Variants in PANK2 observed in about 807,000 individuals in gnomAD.
The protein encoded by PANK2 is pantothenate kinase 2.
PANK2 carries 36 observed loss-of-function variants against 43.1 expected under a neutral mutation model. The ratio of observed to expected loss-of-function variants is 0.84; its 90% CI spans 0.64 to 1.10. PANK2 has a LOEUF of 1.10. Ranked by LOEUF, PANK2 falls within the 50% of genes least tolerant of loss-of-function variation. PANK2 has a pLI of 0.00. For synonymous variants in PANK2, 281 were observed against 238.2 expected (o/e 1.18, Z -1.66); for missense variants, 576 against 593.3 (o/e 0.97, Z 0.30).
intron 1 of PANK2, among the ~76,000 whole-genome samples, chr20:3,892,955 T>G (rs2090148256): frequency 6.6e-6 from 1 of 152,154 alleles, no homozygotes; most frequent in African/African-American, 2.4e-5. Context: ...GAGGGGGGTA[T>G]GTCTCGCAGG....
rs1387566578 is a variant in PANK2, at chr20:3,889,659, C to T, written c.229C>T (p.Leu77=). The T allele has an allele frequency of 6.3e-7, 1 of 1,588,526 alleles. No individual in the cohort carries two copies. Among genetic ancestry groups the T allele is most frequent in the Non-Finnish European group, 8.5e-7 (1 of 1,175,860 alleles). The change falls in exon 1 of 7, where the codon CTG becomes TTG. Residue 77 remains leucine, a synonymous_variant. Coordinates refer to ENST00000610179, the MANE Select transcript of PANK2 (RefSeq NM_001386393.1). ...GGCTGAGGGCACGAGGCGGGATCGACTGGGCTCTTACAGCGGCCCCACCTC... is the reference window on the plus strand; with the variant it reads ...GGCTGAGGGCACGAGGCGGGATCGATTGGGCTCTTACAGCGGCCCCACCTC...
At chr20:3,917,176 G>T (rs1412410271) in intron 5 of PANK2, 126 bp downstream of exon 5, 3 of 1,240,750 alleles carry the variant, frequency 2.4e-6, no homozygotes, top group Non-Finnish European at 3.5e-6. Context: ...GTTTTAGCAC[G>T]AAGTTAAAAC....
chr20:3,910,449 GCACAAATAATA>G, intron 2 of PANK2, 117 bp from the exon 3 acceptor site: 1 of 1,064,262 alleles, frequency 9.4e-7, no homozygotes, highest in South Asian at 1.3e-5. Context: ...TGTAAAGCAT[GCACAAATAATA>G]CACATCTGTG....
intron 3 of PANK2, 128 bp from the exon 4 acceptor site, chr20:3,912,329 GT>G: frequency 2.0e-6 from 2 of 1,000,574 alleles, no homozygotes; most frequent in Admixed American, 3.7e-5. Flanking sequence ...TCACAGACTT[GT>G]TTCCTACCAG....
intron 1 of PANK2, among the ~76,000 whole-genome samples, chr20:3,890,330 C>A (rs968201753): frequency 6.6e-6 from 1 of 152,170 alleles, no homozygotes; most frequent in Non-Finnish European, 1.5e-5. Context: ...CAGGTACTCA[C>A]GATTCAGAAC....
In PANK2 at chr20:3,926,740, G is replaced by A. The variant is rs1175303178; in HGVS notation, c.*3446G>A. 6.6e-6 allele frequency: 1 copy of A among 152,212 alleles called. No homozygotes were observed. The highest frequency in any genetic ancestry group is 2.4e-5 in the African/African-American group (1 of 41,362). 9.4% of individuals were successfully genotyped at this position (152,212 alleles called of 1,614,324 possible). A position where few individuals can be genotyped will look rare whatever the true frequency, so the allele number is the denominator to read the frequency against. ...GGATCACCTGAGGTCAGGAGTTCAAGACCAGCCTGGACAACATGGTGAAAC... is the reference window on the plus strand; with the variant it reads ...GGATCACCTGAGGTCAGGAGTTCAAAACCAGCCTGGACAACATGGTGAAAC... On this transcript the variant is annotated 3_prime_UTR_variant, in exon 7 of 7. Coordinates refer to ENST00000610179, the MANE Select transcript of PANK2 (RefSeq NM_001386393.1).
intron 2 of PANK2, 131 bp from the exon 3 acceptor site, chr20:3,910,446 C>A: frequency 2.9e-6 from 3 of 1,037,642 alleles, no homozygotes; most frequent in Non-Finnish European, 2.9e-6. Flanking sequence ...TTCTGTAAAG[C>A]ATGCACAAAT....
intron 4 of PANK2, among the ~76,000 whole-genome samples, chr20:3,916,452 C>T (rs2090561263): frequency 6.6e-6 from 1 of 152,184 alleles, no homozygotes; most frequent in South Asian, 2.1e-4. Flanking sequence ...AGTACTTTAT[C>T]TTCTAGGGAA....
At chr20:3,896,406 G>C (rs1365116412) in intron 1 of PANK2, among the ~76,000 whole-genome samples, 1 of 151,998 alleles carries the variant, frequency 6.6e-6, no homozygotes, top group East Asian at 1.9e-4. Context: ...CCATTGGAAA[G>C]TGTGATGTTG....
In PANK2 at chr20:3,902,499, G is replaced by A. The variant is rs563070605; in HGVS notation, c.299-5427G>A. ...TCATCATGTTGGCCTGGCTGGTCTCGAACTCCTGACCTCAAGCGATCCACC... is the reference window on the plus strand; with the variant it reads ...TCATCATGTTGGCCTGGCTGGTCTCAAACTCCTGACCTCAAGCGATCCACC... On this transcript the variant is annotated intron_variant, in intron 1 of 6. Transcript: ENST00000610179. Among the ~76,000 whole-genome samples, 10 of 151,176 alleles carry A rather than the reference G, an allele frequency of 6.6e-5. No homozygotes were observed. In the South Asian group the frequency reaches 8.4e-4, roughly 13 times the overall value.
chr20:3,889,171 A>AC, upstream of PANK2: 6 of 1,605,644 alleles, frequency 3.7e-6, no homozygotes, highest in Non-Finnish European at 5.1e-6. Context: ...TCTGGGCTAC[A>AC]CCGCCTTCTC....
At chr20:3,922,055 C>A (rs1336687050) in intron 6 of PANK2, among the ~76,000 whole-genome samples, 1 of 152,160 alleles carries the variant, frequency 6.6e-6, no homozygotes, top group Non-Finnish European at 1.5e-5. Flanking sequence ...ACAAGAAAGC[C>A]TTTGGCCTCT....
At chr20:3,897,897 C>T (rs999201021) in intron 1 of PANK2, among the ~76,000 whole-genome samples, 9 of 150,942 alleles carry the variant, frequency 6.0e-5, no homozygotes, top group East Asian at 4.0e-4. Flanking sequence ...CCCAGCTACT[C>T]GGGAGGCTGA....
rs199781593 is a variant in PANK2 at position 3,918,626 on chromosome 20, T to G, written c.1207-45T>G. 7 of 1,613,180 alleles carry G rather than the reference T, an allele frequency of 4.3e-6. No individual in the cohort carries two copies. The East Asian group carries it at 1.6e-4, about 36-fold the overall frequency. On this transcript the variant is annotated intron_variant, in intron 5 of 6. Coordinates refer to ENST00000610179, the MANE Select transcript of PANK2 (RefSeq NM_001386393.1). Reference sequence around the variant, plus strand: ...ATTTGGGGTAGCTTTTATGAGAAAATAGAAATTAAGATGAAAACTAATTGC... The same window carrying G: ...ATTTGGGGTAGCTTTTATGAGAAAAGAGAAATTAAGATGAAAACTAATTGC...
chr20:3,904,838 C>T (rs1859907731), intron 1 of PANK2, among the ~76,000 whole-genome samples: 1 of 151,916 alleles, frequency 6.6e-6, no homozygotes, highest in African/African-American at 2.4e-5. Context: ...GTGTTTATTT[C>T]CCTTGTAGTT....
rs1234169558 is a variant in PANK2, at chr20:3,929,729, TTG to T, written c.*6436_*6437del. 6.6e-6 allele frequency: 1 copy of T among 152,236 alleles called. No homozygotes were observed. The highest frequency in any genetic ancestry group is 1.9e-4 in the East Asian group (1 of 5,190). 9.4% of individuals were successfully genotyped at this position (152,236 alleles called of 1,614,324 possible). A position where few individuals can be genotyped will look rare whatever the true frequency, so the allele number is the denominator to read the frequency against. On this transcript the variant is annotated 3_prime_UTR_variant, in exon 7 of 7. Transcript: ENST00000610179. ...CTGCTGTCAGCTACAGAGCCTGATC[TTG>T]AGCATCCTGTCGCAGATAGAAAGTC...
At chr20:3,915,597 TTTTAGCTCTTATA>T (rs1333950388) in intron 4 of PANK2, among the ~76,000 whole-genome samples, 7 of 152,178 alleles carry the variant, frequency 4.6e-5, no homozygotes, top group African/African-American at 1.7e-4. Context: ...CGCCCGCCAG[TTTTAGCTCTTATA>T]TTTAGCTCTT....
intron 1 of PANK2, among the ~76,000 whole-genome samples, chr20:3,906,940 A>G (rs1287142379): frequency 2.0e-5 from 3 of 151,918 alleles, no homozygotes; most frequent in Non-Finnish European, 2.9e-5. Context: ...CTGGGACTAC[A>G]AGCGCACGCC....
chr20:3,926,318 T>C lies in PANK2; in HGVS notation c.*3024T>C, dbSNP rs2146911337. 1 of 152,316 alleles carries C rather than the reference T, an allele frequency of 6.6e-6. No individual in the cohort carries two copies. Among genetic ancestry groups the C allele is most frequent in the South Asian group, 2.1e-4 (1 of 4,810 alleles). 9.4% of individuals were successfully genotyped at this position (152,316 alleles called of 1,614,324 possible). A position where few individuals can be genotyped will look rare whatever the true frequency, so the allele number is the denominator to read the frequency against. ...AGAAAAATAACCGAGAGTTGAGCAG[T>C]GACGGAGGAAGCTGCAAAGAAAACG... On this transcript the variant is annotated 3_prime_UTR_variant, in exon 7 of 7. Transcript: ENST00000610179.
Sources: gnomAD v4.1 joint callset for allele counts (sites outside exome capture counted in the v4.1 genomes callset) on GRCh38, gnomAD v4.1.1 for gene constraint, MANE v1.5 for transcripts, NCBI Gene and HGNC (gene_info 2026-07-23, HGNC 2026-07-21) for gene names.